Variants in CSMD1 observed in about 807,000 individuals in gnomAD.
CSMD1 encodes CUB and sushi domain-containing protein 1.
Under a neutral mutation model 417.5 loss-of-function variants are expected in CSMD1, and 213 were observed. The observed-to-expected ratio is 0.51, with a 90% confidence interval of 0.46 to 0.57. The LOEUF (loss-of-function observed/expected upper bound fraction) is 0.57, where lower values mean the gene tolerates loss of function less well. Ranked by LOEUF, CSMD1 falls within the 20% of genes least tolerant of loss-of-function variation. CSMD1 has a pLI of 0.00. For missense variants in CSMD1, 6,923 were observed against 4,529.7 expected (o/e 1.53, Z -15.17); for synonymous variants, 2,862 against 1,736.8 (o/e 1.65, Z -16.11).
intron 2 of CSMD1, among the ~76,000 whole-genome samples, chr8:4,510,413 A>AAAAAAAAAAAAAAAAAC (rs1802756670): frequency 6.8e-6 from 1 of 147,320 alleles, no homozygotes; most frequent in Admixed American, 6.8e-5. Context: ...AAAAAAAAAA[A>AAAAAAAAAAAAAAAAAC]AAAAAAAAAG....
chr8:4,241,109 C>T (rs1802372661), intron 3 of CSMD1, among the ~76,000 whole-genome samples: 1 of 152,108 alleles, frequency 6.6e-6, no homozygotes, highest in Non-Finnish European at 1.5e-5. Flanking sequence ...TCCTCTAAAC[C>T]TGTGTTTCAA....
chr8:3,463,339 C>T (rs902509556), intron 12 of CSMD1, among the ~76,000 whole-genome samples: 1 of 152,102 alleles, frequency 6.6e-6, no homozygotes, highest in Non-Finnish European at 1.5e-5. Context: ...TTAAGTCAAG[C>T]CCTTGGAAAA....
chr8:4,164,319 TA>T (rs1797333697), intron 3 of CSMD1, among the ~76,000 whole-genome samples: 1 of 152,190 alleles, frequency 6.6e-6, no homozygotes, highest in African/African-American at 2.4e-5. Context: ...CATCTACATT[TA>T]AAAACATATC....
At chr8:3,841,683 T>A (rs1392294904) in intron 5 of CSMD1, among the ~76,000 whole-genome samples, 1 of 152,176 alleles carries the variant, frequency 6.6e-6, no homozygotes, top group Non-Finnish European at 1.5e-5. Context: ...TGATTCTAAT[T>A]TTAGAACCTA....
At chr8:4,042,567 G>C (rs573062955) in intron 3 of CSMD1, among the ~76,000 whole-genome samples, 1 of 152,024 alleles carries the variant, frequency 6.6e-6, no homozygotes, top group Non-Finnish European at 1.5e-5. Flanking sequence ...TCCAGCGGAA[G>C]GTAATAGCAT....
At chr8:2,996,325 T>A (rs934768955) in intron 54 of CSMD1, among the ~76,000 whole-genome samples, 1 of 152,146 alleles carries the variant, frequency 6.6e-6, no homozygotes, top group African/African-American at 2.4e-5. Context: ...GCTGAAATAT[T>A]TTTTAAAATG....
chr8:3,343,226 A>G (rs1563291473), intron 23 of CSMD1, 68 bp downstream of exon 23: 2 of 1,375,816 alleles, frequency 1.5e-6, no homozygotes, highest in East Asian at 2.3e-5. Context: ...AAAACTTAAT[A>G]TAAGCCAAGT....
Position 3,234,970 on chromosome 8 carries a change from C to A in CSMD1, c.4154-4739G>T, listed in dbSNP as rs574924906. On this transcript the variant is annotated intron_variant, in intron 26 of 69. Transcript: ENST00000635120. ...GCAAATCCTACTGTACATGCACAAT[C>A]TTGTTCATCTGAATGAACTTCCCAT... 7.2e-5 allele frequency among the ~76,000 whole-genome samples: 11 copies of A among 152,334 alleles called. No individual in the cohort carries two copies. The South Asian group carries it at 2.3e-3, about 32-fold the overall frequency.
At chr8:3,655,520 C>CTGTGCACAGCAGCTCAGG (rs1320099980) in intron 7 of CSMD1, among the ~76,000 whole-genome samples, 2 of 152,180 alleles carry the variant, frequency 1.3e-5, no homozygotes, top group African/African-American at 4.8e-5. Flanking sequence ...CTCAGGACCA[C>CTGTGCACAGCAGCTCAGG]TGCACAGTGC....
chr8:4,600,917 A>G lies in CSMD1; in HGVS notation c.302+36425T>C, dbSNP rs1800545384. 3.3e-5 allele frequency among the ~76,000 whole-genome samples: 5 copies of G among 151,954 alleles called. No individual in the cohort carries two copies. The South Asian group carries it at 1.0e-3, about 31-fold the overall frequency. ...GGAAGCTAAGAAAAATATTAAAGTA[A>G]TGTAAAAATGCCTTCCAAAAAATTT... On this transcript the variant is annotated intron_variant, in intron 2 of 69. Coordinates refer to ENST00000635120, the MANE Select transcript of CSMD1 (RefSeq NM_033225.6).
chr8:3,272,837 A>T (rs1166175363), intron 26 of CSMD1, among the ~76,000 whole-genome samples: 1 of 150,542 alleles, frequency 6.6e-6, no homozygotes, highest in African/African-American at 2.5e-5. Context: ...TTGGGCTGAG[A>T]CAGTGGGGTT....
At chr8:3,611,456 C>T (rs536443806) in intron 8 of CSMD1, among the ~76,000 whole-genome samples, 2 of 151,900 alleles carry the variant, frequency 1.3e-5, no homozygotes, top group African/African-American at 4.8e-5. Flanking sequence ...AACGATAGAC[C>T]AACTATCACT....
chr8:3,720,124 A>G (rs1050554539), intron 6 of CSMD1, among the ~76,000 whole-genome samples: 1 of 152,190 alleles, frequency 6.6e-6, no homozygotes, highest in Non-Finnish European at 1.5e-5. Flanking sequence ...ATGTTAATGC[A>G]ACTCTTTATT....
chr8:3,368,141 T>G (rs71521851), intron 19 of CSMD1, among the ~76,000 whole-genome samples: 36,087 of 151,922 alleles, frequency 0.24, 4,341 homozygotes, highest in African/African-American at 0.3. Context: ...TATAAAACTT[T>G]GATCACTCAT....
intron 11 of CSMD1, among the ~76,000 whole-genome samples, chr8:3,475,835 C>G (rs1360091247): frequency 1.3e-5 from 2 of 152,180 alleles, no homozygotes; most frequent in Non-Finnish European, 2.9e-5. Flanking sequence ...TTTGTGAGTA[C>G]CTTTAACTCT....
intron 18 of CSMD1, among the ~76,000 whole-genome samples, chr8:3,376,361 G>A (rs894869497): frequency 6.6e-6 from 1 of 151,924 alleles, no homozygotes; most frequent in East Asian, 1.9e-4. Context: ...GAATTGGGAA[G>A]GAAAGCATTG....
intron 3 of CSMD1, among the ~76,000 whole-genome samples, chr8:4,180,264 C>G (rs1003235167): frequency 6.6e-6 from 1 of 151,954 alleles, no homozygotes; most frequent in African/African-American, 2.4e-5. Context: ...ATGATGAGTT[C>G]ATGTCCTTTG....
At chr8:4,961,474 T>C (rs1203855985) in intron 1 of CSMD1, among the ~76,000 whole-genome samples, 1 of 152,160 alleles carries the variant, frequency 6.6e-6, no homozygotes, top group African/African-American at 2.4e-5. Context: ...GTGAAACATA[T>C]TCTCCAATGA....
At chr8:3,325,551 T>A (rs1435387945) in intron 23 of CSMD1, among the ~76,000 whole-genome samples, 1 of 152,196 alleles carries the variant, frequency 6.6e-6, no homozygotes, top group Non-Finnish European at 1.5e-5. Context: ...CGCCTGGGCA[T>A]GCTGGCTCAC....
Sources: allele counts gnomAD v4.1 joint callset (sites outside exome capture counted in the v4.1 genomes callset), GRCh38; gene constraint gnomAD v4.1.1; transcripts MANE v1.5; gene names NCBI Gene and HGNC (gene_info 2026-07-23, HGNC 2026-07-21).